Variants in PDE4B observed in about 807,000 individuals in gnomAD.
The protein encoded by PDE4B is 3',5'-cyclic-AMP phosphodiesterase 4B.
PDE4B carries 20 observed loss-of-function variants against 82.2 expected under a neutral mutation model. The ratio of observed to expected loss-of-function variants is 0.24; its 90% CI spans 0.17 to 0.35. The LOEUF (loss-of-function observed/expected upper bound fraction) is 0.35. Among genes scored for constraint, PDE4B ranks in the 10% least tolerant of loss-of-function variants. The pLI, the probability that PDE4B is intolerant of heterozygous loss-of-function variation, is 1.00. For missense variants in PDE4B, 655 were observed against 907.2 expected (o/e 0.72, Z 3.57); for synonymous variants, 320 against 318.9 (o/e 1.00, Z -0.04).
intron 16 of PDE4B, among the ~76,000 whole-genome samples, chr1:66,371,120 ATAT>A (rs2050757939): frequency 7.6e-6 from 1 of 131,260 alleles, no homozygotes; most frequent in African/African-American, 3.1e-5. Context: ...ATATATATAT[ATAT>A]ATATATATAT....
At chr1:66,287,070 C>G (rs1656729627) in intron 7 of PDE4B, among the ~76,000 whole-genome samples, 1 of 152,046 alleles carries the variant, frequency 6.6e-6, no homozygotes, top group East Asian at 1.9e-4. Context: ...CAGTCCCAGT[C>G]CTCAGAGGGA....
At chr1:65,925,096 G>T (rs1402359072) in intron 3 of PDE4B, among the ~76,000 whole-genome samples, 1 of 152,200 alleles carries the variant, frequency 6.6e-6, no homozygotes, top group African/African-American at 2.4e-5. Flanking sequence ...AGCAAGAATA[G>T]TTATTTTACC....
At chr1:65,982,450 T>C (rs1650738194) in intron 3 of PDE4B, among the ~76,000 whole-genome samples, 1 of 152,118 alleles carries the variant, frequency 6.6e-6, no homozygotes, top group Non-Finnish European at 1.5e-5. Flanking sequence ...CCTATCTACA[T>C]TGCAAGAAAT....
At chr1:66,195,949 T>C (rs1283543017) in intron 3 of PDE4B, among the ~76,000 whole-genome samples, 2 of 150,140 alleles carry the variant, frequency 1.3e-5, no homozygotes, top group African/African-American at 4.9e-5. Context: ...TTGTTAGTGG[T>C]CGTTGGCTGG....
At chr1:66,061,043 C>A in intron 3 of PDE4B, among the ~76,000 whole-genome samples, 1 of 151,636 alleles carries the variant, frequency 6.6e-6, no homozygotes. Context: ...TCAGCTATAA[C>A]TATGTTCTTT....
intron 1 of PDE4B, among the ~76,000 whole-genome samples, chr1:65,834,196 CG>C (rs1646115305): frequency 6.6e-6 from 1 of 152,154 alleles, no homozygotes; most frequent in Non-Finnish European, 1.5e-5. Context: ...AGGTGTCTGC[CG>C]TCATGCCCAG....
At chr1:65,909,324 G>A (rs1417465781) in intron 1 of PDE4B, among the ~76,000 whole-genome samples, 1 of 152,064 alleles carries the variant, frequency 6.6e-6, no homozygotes, top group East Asian at 1.9e-4. Context: ...GTTTTGTCTA[G>A]CATGTGTCCA....
At chr1:66,027,873 C>T (rs1202679731) in intron 3 of PDE4B, among the ~76,000 whole-genome samples, 1 of 152,212 alleles carries the variant, frequency 6.6e-6, no homozygotes, top group Non-Finnish European at 1.5e-5. Flanking sequence ...TGTGACTTTG[C>T]AGGGTACAGC....
At chr1:65,828,680 A>G (rs1646046915) in intron 1 of PDE4B, among the ~76,000 whole-genome samples, 1 of 152,194 alleles carries the variant, frequency 6.6e-6, no homozygotes, top group African/African-American at 2.4e-5. Context: ...AGGAATTAGG[A>G]ATCTACTGGT....
chr1:65,850,949 G>T (rs1557778401), intron 1 of PDE4B, among the ~76,000 whole-genome samples: 1 of 152,086 alleles, frequency 6.6e-6, no homozygotes, highest in Non-Finnish European at 1.5e-5. Flanking sequence ...TTAGGTCTGT[G>T]ATCCATTTCA....
chr1:66,221,259 G>A (rs1442066102), intron 3 of PDE4B, among the ~76,000 whole-genome samples: 1 of 152,102 alleles, frequency 6.6e-6, no homozygotes, highest in Non-Finnish European at 1.5e-5. Context: ...CTTTAGTTGG[G>A]ATTTAAATTC....
chr1:66,045,413 A>C (rs992179333), intron 3 of PDE4B, among the ~76,000 whole-genome samples: 1 of 151,714 alleles, frequency 6.6e-6, no homozygotes, highest in African/African-American at 2.4e-5. Context: ...CCTTAACTCA[A>C]AGTTAGAAAT....
chr1:66,319,699 G>T (rs911123871), intron 7 of PDE4B, among the ~76,000 whole-genome samples: 2 of 152,128 alleles, frequency 1.3e-5, no homozygotes, highest in East Asian at 1.9e-4. Context: ...GCTTCATCAG[G>T]CTTTTCCTCT....
intron 3 of PDE4B, among the ~76,000 whole-genome samples, chr1:66,245,755 GCTTTT>G (rs1653265778): frequency 6.6e-6 from 1 of 152,146 alleles, no homozygotes; most frequent in Non-Finnish European, 1.5e-5. Context: ...GATTGTTATA[GCTTTT>G]CTTTGGCCTT....
intron 1 of PDE4B, among the ~76,000 whole-genome samples, chr1:65,827,943 A>G (rs1399121519): frequency 6.6e-6 from 1 of 152,222 alleles, no homozygotes; most frequent in East Asian, 1.9e-4. Context: ...TAAGAATTAT[A>G]GCAGGCTCCT....
intron 1 of PDE4B, among the ~76,000 whole-genome samples, chr1:65,839,320 G>T (rs548227906): frequency 2.6e-5 from 4 of 151,582 alleles, no homozygotes; most frequent in Non-Finnish European, 4.4e-5. Context: ...TGCAGAACAT[G>T]CAGGTTTCTT....
At chr1:66,350,408 C>T (rs970692411) in intron 8 of PDE4B, among the ~76,000 whole-genome samples, 1 of 151,992 alleles carries the variant, frequency 6.6e-6, no homozygotes, top group Non-Finnish European at 1.5e-5. Flanking sequence ...CAGTTTTCTC[C>T]TACTGACCTC....
At chr1:66,065,193 G>T (rs962625926) in intron 3 of PDE4B, among the ~76,000 whole-genome samples, 9 of 151,818 alleles carry the variant, frequency 5.9e-5, no homozygotes, top group African/African-American at 1.7e-4. Context: ...TGGAATTAAA[G>T]ATTGAAATCA....
intron 8 of PDE4B, among the ~76,000 whole-genome samples, chr1:66,352,064 T>C (rs1420660834): frequency 6.6e-6 from 1 of 152,144 alleles, no homozygotes; most frequent in African/African-American, 2.4e-5. Context: ...AAGTGCTTTT[T>C]GATGAGAGCA....
Sources: allele counts gnomAD v4.1 joint callset (sites outside exome capture counted in the v4.1 genomes callset), GRCh38; gene constraint gnomAD v4.1.1; transcripts MANE v1.5; gene names NCBI Gene and HGNC (gene_info 2026-07-23, HGNC 2026-07-21).